The following DNER variants were observed in gnomAD, a reference collection of about 807,000 sequenced individuals.
DNER encodes the protein delta and Notch-like epidermal growth factor-related receptor.
Under a neutral mutation model 78.2 loss-of-function variants are expected in DNER, and 33 were observed. That is an observed-to-expected ratio of 0.42 (90% CI 0.32 to 0.56). The LOEUF is 0.56. Ranked by LOEUF, DNER falls within the 20% of genes least tolerant of loss-of-function variation. DNER has a pLI of 0.11. For synonymous variants in DNER, 417 were observed against 384.8 expected, an observed-to-expected ratio of 1.08 and a Z score of -0.98; for missense variants, 918 against 975.3, an observed-to-expected ratio of 0.94 and a Z score of 0.78.
intron 5 of DNER, 144 bp from the exon 6 acceptor site, chr2:229,513,080 A>C: frequency 1.1e-6 from 1 of 943,102 alleles, no homozygotes; most frequent in Non-Finnish European, 1.5e-6. Context: ...TCTAGTTGAA[A>C]TCATCGCTTT....
At chr2:229,408,008 G>C (rs1693426261) in intron 9 of DNER, among the ~76,000 whole-genome samples, 1 of 152,178 alleles carries the variant, frequency 6.6e-6, no homozygotes, top group South Asian at 2.1e-4. Context: ...CAGAGTCTGT[G>C]TTTGCTAAGT....
At chr2:229,630,902 T>C (rs1397416520) in intron 1 of DNER, among the ~76,000 whole-genome samples, 2 of 152,192 alleles carry the variant, frequency 1.3e-5, no homozygotes, top group Non-Finnish European at 2.9e-5. Flanking sequence ...TGGTTTTTTG[T>C]TCCTGTGTCA....
At chr2:229,590,973 C>T (rs1048024807) in intron 2 of DNER, among the ~76,000 whole-genome samples, 1 of 152,196 alleles carries the variant, frequency 6.6e-6, no homozygotes, top group African/African-American at 2.4e-5. Flanking sequence ...CCCTCTCTTG[C>T]CCTCACTCTT....
At chr2:229,615,124 T>G (rs1698127453) in intron 1 of DNER, among the ~76,000 whole-genome samples, 1 of 152,174 alleles carries the variant, frequency 6.6e-6, no homozygotes, top group African/African-American at 2.4e-5. Context: ...AGAATTGTTC[T>G]GTAGAGGCCG....
At chr2:229,374,221 T>C (rs1353566921) in intron 11 of DNER, among the ~76,000 whole-genome samples, 1 of 151,124 alleles carries the variant, frequency 6.6e-6, no homozygotes, top group African/African-American at 2.4e-5. Context: ...GCCACAACAA[T>C]AGACATTAGG....
chr2:229,358,905 G>T (rs531936370), intron 12 of DNER, among the ~76,000 whole-genome samples: 22 of 152,292 alleles, frequency 1.4e-4, no homozygotes, highest in African/African-American at 5.1e-4. Context: ...TTAAATCTTG[G>T]CAAAGCAGTC....
At chr2:229,599,557 C>T (rs569542750) in intron 1 of DNER, among the ~76,000 whole-genome samples, 10 of 151,940 alleles carry the variant, frequency 6.6e-5, no homozygotes, top group Non-Finnish European at 1.0e-4. Flanking sequence ...AAAAACATTG[C>T]TAACATCCCC....
chr2:229,415,826 A>C (rs1693638858), intron 9 of DNER, among the ~76,000 whole-genome samples: 1 of 152,200 alleles, frequency 6.6e-6, no homozygotes, highest in Non-Finnish European at 1.5e-5. Context: ...CTGCTCTGCT[A>C]TTCTTTACCT....
At chr2:229,524,334 A>G (rs1696158555) in intron 5 of DNER, among the ~76,000 whole-genome samples, 1 of 152,220 alleles carries the variant, frequency 6.6e-6, no homozygotes, top group Non-Finnish European at 1.5e-5. Flanking sequence ...CCGTAATAGG[A>G]GAAAATAAAA....
chr2:229,577,016 G>A (rs1697314883), intron 4 of DNER, among the ~76,000 whole-genome samples: 1 of 152,184 alleles, frequency 6.6e-6, no homozygotes, highest in Admixed American at 6.5e-5. Context: ...ACCTACCACA[G>A]ATGAAGCAGC....
At chr2:229,674,935 C>T (rs1366438468) in intron 1 of DNER, among the ~76,000 whole-genome samples, 1 of 152,164 alleles carries the variant, frequency 6.6e-6, no homozygotes, top group Non-Finnish European at 1.5e-5. Flanking sequence ...GAAGATGTCC[C>T]TCATGAGGAG....
intron 8 of DNER, 147 bp from the exon 9 acceptor site, chr2:229,418,377 A>C (rs1285176862): frequency 2.6e-6 from 3 of 1,147,246 alleles, no homozygotes; most frequent in Non-Finnish European, 3.6e-6. Context: ...TCTTGGGGTA[A>C]AGTTGAAAGG....
At chr2:229,527,459 A>G (rs1320980858) in intron 5 of DNER, among the ~76,000 whole-genome samples, 1 of 152,144 alleles carries the variant, frequency 6.6e-6, no homozygotes, top group African/African-American at 2.4e-5. Context: ...TAACACCTTA[A>G]TGTGTTACTA....
intron 9 of DNER, among the ~76,000 whole-genome samples, chr2:229,411,688 T>G (rs1348612728): frequency 6.6e-6 from 1 of 152,180 alleles, no homozygotes; most frequent in Non-Finnish European, 1.5e-5. Flanking sequence ...CCAGAAATAT[T>G]TGTAATAGCC....
At chr2:229,609,551 C>T (rs1162272607) in intron 1 of DNER, among the ~76,000 whole-genome samples, 4 of 152,180 alleles carry the variant, frequency 2.6e-5, no homozygotes, top group East Asian at 1.9e-4. Context: ...CACAGGTGAA[C>T]GGTTGCCACA....
chr2:229,389,794 A>G (rs551497596), intron 10 of DNER, among the ~76,000 whole-genome samples: 9 of 152,268 alleles, frequency 5.9e-5, no homozygotes, highest in African/African-American at 2.2e-4. Context: ...TTACTATTTT[A>G]TTTTTAAATA....
At chr2:229,652,509 T>C (rs570046923) in intron 1 of DNER, among the ~76,000 whole-genome samples, 1 of 152,168 alleles carries the variant, frequency 6.6e-6, no homozygotes. Context: ...CCCATCAATA[T>C]GATGTTAAAG....
intron 4 of DNER, among the ~76,000 whole-genome samples, chr2:229,566,390 G>T (rs1697108888): frequency 6.6e-6 from 1 of 152,102 alleles, no homozygotes; most frequent in African/African-American, 2.4e-5. Flanking sequence ...CTTAAATTAT[G>T]CATAACACTT....
intron 5 of DNER, among the ~76,000 whole-genome samples, chr2:229,541,066 A>G (rs1295515983): frequency 2.0e-5 from 3 of 152,228 alleles, no homozygotes; most frequent in African/African-American, 7.2e-5. Context: ...GATTAACAAC[A>G]TAATCCTTGG....
Sources: allele counts gnomAD v4.1 joint callset (sites outside exome capture counted in the v4.1 genomes callset), GRCh38; gene constraint gnomAD v4.1.1; transcripts MANE v1.5; gene names NCBI Gene and HGNC (gene_info 2026-07-23, HGNC 2026-07-21).